The following SGCZ variants were observed in gnomAD, a reference collection of about 807,000 sequenced individuals.
SGCZ encodes the protein sarcoglycan zeta, also known as zeta-sarcoglycan.
SGCZ carries 40 observed loss-of-function variants against 41.3 expected under a neutral mutation model. The ratio of observed to expected loss-of-function variants is 0.97; its 90% CI spans 0.75 to 1.26. SGCZ has a LOEUF of 1.26. Ranked by LOEUF, SGCZ falls within the 50% of genes most tolerant of loss-of-function variation. The pLI is 0.00. For missense variants in SGCZ, 552 were observed against 369.8 expected, an observed-to-expected ratio of 1.49 and a Z score of -4.04; for synonymous variants, 206 against 137.5, an observed-to-expected ratio of 1.50 and a Z score of -3.49.
At chr8:14,428,345 G>C (rs954215038) in intron 2 of SGCZ, among the ~76,000 whole-genome samples, 3 of 151,586 alleles carry the variant, frequency 2.0e-5, no homozygotes, top group Non-Finnish European at 2.9e-5. Flanking sequence ...TTTTTCAATT[G>C]CTTTTCAACT....
At chr8:14,716,307 T>A (rs1809688474) in intron 1 of SGCZ, among the ~76,000 whole-genome samples, 1 of 152,094 alleles carries the variant, frequency 6.6e-6, no homozygotes, top group Non-Finnish European at 1.5e-5. Flanking sequence ...GATTTATTTC[T>A]TGAACAATGA....
At chr8:14,190,079 C>A (rs1805045641) in intron 4 of SGCZ, among the ~76,000 whole-genome samples, 1 of 137,782 alleles carries the variant, frequency 7.3e-6, no homozygotes, top group Non-Finnish European at 1.5e-5. Flanking sequence ...GTGGCGCCAT[C>A]TTGACTCGCT....
intron 1 of SGCZ, among the ~76,000 whole-genome samples, chr8:14,940,521 T>C (rs1800237749): frequency 6.6e-6 from 1 of 152,124 alleles, no homozygotes; most frequent in Non-Finnish European, 1.5e-5. Context: ...GTGTAAAGAA[T>C]ATAAATTTGC....
At chr8:14,373,597 A>G (rs1803991881) in intron 2 of SGCZ, among the ~76,000 whole-genome samples, 1 of 152,140 alleles carries the variant, frequency 6.6e-6, no homozygotes, top group Non-Finnish European at 1.5e-5. Flanking sequence ...ACCCTAAAAA[A>G]CAAAATCAAA....
intron 1 of SGCZ, among the ~76,000 whole-genome samples, chr8:14,761,538 T>A (rs1460711754): frequency 7.0e-6 from 1 of 142,412 alleles, no homozygotes; most frequent in Non-Finnish European, 1.5e-5. Context: ...TTTATTTATT[T>A]ATTTTTTTTT....
At chr8:14,153,713 T>A (rs533716353) in intron 5 of SGCZ, among the ~76,000 whole-genome samples, 54 of 152,104 alleles carry the variant, frequency 3.6e-4, no homozygotes, top group African/African-American at 1.2e-3. Context: ...CACATAGCCA[T>A]TGATGTGTCT....
rs1286788538 is a variant in SGCZ at position 14,292,790 on chromosome 8, T to A, written c.336+31313A>T. Among the ~76,000 whole-genome samples, 3 of 151,712 alleles carry A rather than the reference T, an allele frequency of 2.0e-5. No homozygotes were observed. In the East Asian group the frequency reaches 5.8e-4, roughly 29 times the overall value. On this transcript the variant is annotated intron_variant, in intron 3 of 7. Transcript: ENST00000382080. The stretch of plus-strand genomic sequence containing the variant: ...AATAATAACACCAATATCACTAGGC[T>A]TTTCTGAGAATTACATGAAAAAGTA...
intron 7 of SGCZ, among the ~76,000 whole-genome samples, chr8:14,091,343 T>G (rs138137825): frequency 1.5e-3 from 231 of 152,120 alleles, no homozygotes; most frequent in Middle Eastern, 0.01. Flanking sequence ...ATCCTTTGGG[T>G]ATATACCCAC....
intron 3 of SGCZ, among the ~76,000 whole-genome samples, chr8:14,279,220 T>C (rs1297112587): frequency 6.6e-6 from 1 of 152,050 alleles, no homozygotes; most frequent in Non-Finnish European, 1.5e-5. Flanking sequence ...GAGTTTACTT[T>C]TGGTTTTCTT....
intron 2 of SGCZ, among the ~76,000 whole-genome samples, chr8:14,342,638 C>G (rs901410125): frequency 9.2e-5 from 14 of 152,194 alleles, no homozygotes; most frequent in Admixed American, 7.8e-4. Flanking sequence ...TTCTCAGCAG[C>G]AGAGCATTCA....
At chr8:14,136,360 A>G (rs1803198401) in intron 5 of SGCZ, among the ~76,000 whole-genome samples, 1 of 152,190 alleles carries the variant, frequency 6.6e-6, no homozygotes, top group South Asian at 2.1e-4. Flanking sequence ...CACCTTACAC[A>G]GGAAGCTCAA....
At chr8:14,503,782 A>G (rs1038062274) in intron 2 of SGCZ, among the ~76,000 whole-genome samples, 1 of 152,160 alleles carries the variant, frequency 6.6e-6, no homozygotes, top group Non-Finnish European at 1.5e-5. Flanking sequence ...CAATAATAAA[A>G]TAAAATAACT....
chr8:14,467,183 A>G (rs2116968324), intron 2 of SGCZ, among the ~76,000 whole-genome samples: 1 of 152,050 alleles, frequency 6.6e-6, no homozygotes, highest in Admixed American at 6.6e-5. Flanking sequence ...GGACATTCAT[A>G]ATAACTTTGT....
intron 1 of SGCZ, among the ~76,000 whole-genome samples, chr8:15,203,590 C>A (rs1800965908): frequency 6.6e-6 from 1 of 152,108 alleles, no homozygotes; most frequent in Non-Finnish European, 1.5e-5. Context: ...TAAAATGATA[C>A]TTTTAAACAG....
chr8:14,196,679 T>A (rs539441216), intron 4 of SGCZ, among the ~76,000 whole-genome samples: 1 of 152,262 alleles, frequency 6.6e-6, no homozygotes, highest in South Asian at 2.1e-4. Context: ...GTAGTAAATG[T>A]ATGCAATGGA....
chr8:15,213,648 T>C (rs1801307877), intron 1 of SGCZ, among the ~76,000 whole-genome samples: 1 of 151,820 alleles, frequency 6.6e-6, no homozygotes, highest in South Asian at 2.1e-4. Flanking sequence ...TAATGAAATA[T>C]AGAAATCTCT....
chr8:14,913,976 A>C (rs960387551), intron 1 of SGCZ, among the ~76,000 whole-genome samples: 3 of 151,736 alleles, frequency 2.0e-5, no homozygotes, highest in Non-Finnish European at 4.4e-5. Flanking sequence ...AGTTTGTAGC[A>C]TAATAAAAAA....
chr8:14,437,203 G>A (rs764769151), intron 2 of SGCZ, among the ~76,000 whole-genome samples: 55 of 152,094 alleles, frequency 3.6e-4, no homozygotes, highest in Non-Finnish European at 4.7e-4. Flanking sequence ...TCATGATTAT[G>A]CAATGGATCT....
intron 1 of SGCZ, among the ~76,000 whole-genome samples, chr8:14,997,131 A>G (rs1270069193): frequency 2.0e-5 from 3 of 152,162 alleles, no homozygotes; most frequent in Non-Finnish European, 4.4e-5. Context: ...ACGATTGCAT[A>G]TCTCTTTGCT....
Sources: gnomAD v4.1 joint callset for allele counts (sites outside exome capture counted in the v4.1 genomes callset) on GRCh38, gnomAD v4.1.1 for gene constraint, MANE v1.5 for transcripts, NCBI Gene and HGNC (gene_info 2026-07-23, HGNC 2026-07-21) for gene names.